The following DENND1B variants were observed in gnomAD, a reference collection of about 807,000 sequenced individuals.
DENND1B encodes the protein DENN domain-containing protein 1B.
A neutral mutation model predicts 90.1 loss-of-function variants in DENND1B; 59 were observed. That is an observed-to-expected ratio of 0.65 (90% confidence interval 0.53 to 0.81). The LOEUF is 0.81. Among genes scored for constraint, DENND1B ranks in the 40% least tolerant of loss-of-function variants. The pLI is 0.00. For synonymous variants in DENND1B, 337 were observed against 324.6 expected (o/e 1.04, Z -0.41); for missense variants, 862 against 912.6 (o/e 0.94, Z 0.71).
intron 3 of DENND1B, among the ~76,000 whole-genome samples, chr1:197,705,493 A>G (rs980369326): frequency 6.6e-6 from 1 of 152,272 alleles, no homozygotes; most frequent in Admixed American, 6.5e-5. Flanking sequence ...GTGATCTCAC[A>G]ATTTCAGAAA....
At chr1:197,583,610 C>A (rs1299876072) in intron 14 of DENND1B, among the ~76,000 whole-genome samples, 1 of 152,110 alleles carries the variant, frequency 6.6e-6, no homozygotes, top group Admixed American at 6.6e-5. Context: ...TTGGAAAACA[C>A]TGTTACTATA....
intron 2 of DENND1B, among the ~76,000 whole-genome samples, chr1:197,726,158 A>G (rs1661612880): frequency 6.6e-6 from 1 of 152,186 alleles, no homozygotes; most frequent in South Asian, 2.1e-4. Context: ...GGCAAGGGCA[A>G]TAAGGGTCCA....
chr1:197,669,852 T>C (rs1308013105), intron 5 of DENND1B, among the ~76,000 whole-genome samples: 1 of 152,124 alleles, frequency 6.6e-6, no homozygotes. Context: ...TGTGAAATGT[T>C]CTCTTTATTG....
chr1:197,611,961 G>A lies in DENND1B; in HGVS notation c.789C>T (p.Tyr263=). ...LLDYCCAPMP[Y]LIGIHSSLIE... The stretch of plus-strand genomic sequence containing the variant: ...TGAGGCTGGAGTGTATTCCAATCAG[G>A]TATGGCATTGGGGCACTAAATTAAA... Residue 263 remains tyrosine (Y), a synonymous_variant, in exon 12 of 23, where the codon TAC becomes TAT. Transcript: ENST00000620048. 6.2e-7 allele frequency: 1 copy of A among 1,603,558 alleles called. No homozygotes were observed. Among genetic ancestry groups the A allele is most frequent in the Non-Finnish European group, 8.5e-7 (1 of 1,172,956 alleles).
In DENND1B at chr1:197,558,408, G is replaced by A. The variant is rs116039635; in HGVS notation, c.1150-5296C>T. 5.9e-3 allele frequency among the ~76,000 whole-genome samples: 895 copies of A among 151,670 alleles called. 13 individuals are homozygous for A. The highest frequency in any genetic ancestry group is 0.02 in the African/African-American group (838 of 41,430). On this transcript the variant is annotated intron_variant, in intron 15 of 22. Transcript: ENST00000620048. The stretch of plus-strand genomic sequence containing the variant: ...TATTCCCTCTAAATCATCAACAATT[G>A]CAAGAACCAGATTTTGTTAATCTTT...
chr1:197,580,041 T>C (rs1674058223), intron 15 of DENND1B, among the ~76,000 whole-genome samples: 1 of 151,032 alleles, frequency 6.6e-6, no homozygotes, highest in African/African-American at 2.4e-5. Flanking sequence ...TCATTTATAA[T>C]TTCTTTCATT....
chr1:197,728,837 C>G (rs767369407), intron 2 of DENND1B, among the ~76,000 whole-genome samples: 2 of 152,140 alleles, frequency 1.3e-5, no homozygotes, highest in Non-Finnish European at 2.9e-5. Context: ...TCATATAGAA[C>G]TTTAAAATTT....
chr1:197,687,615 CT>C (rs1409543070), intron 3 of DENND1B, among the ~76,000 whole-genome samples: 1 of 152,066 alleles, frequency 6.6e-6, no homozygotes, highest in East Asian at 1.9e-4. Flanking sequence ...AAATTCAACA[CT>C]TTTTCATAAT....
chr1:197,658,344 A>G lies in DENND1B; in HGVS notation c.322T>C (p.Tyr108His). ...LSYLPWFEVY[Y>H]KLLNTLADYL... ...TCTGCAAGAGTATTTAGAAGCTTGT[A>G]ATACACTTCAAACCAGGGAAGGTAA... Residue 108 changes from tyrosine (Y) to histidine (H), a missense_variant, in exon 6 of 23, where the codon TAC (tyrosine) becomes CAC (histidine). Tyr to His is a moderately conservative substitution (Grantham distance 83, BLOSUM62 2). Transcript: ENST00000620048. 1 of 1,608,752 alleles carries G rather than the reference A, an allele frequency of 6.2e-7. No homozygotes were observed. The highest frequency in any genetic ancestry group is 8.5e-7 in the Non-Finnish European group (1 of 1,176,658).
At chr1:197,511,500 C>G (rs1668025010) in intron 22 of DENND1B, among the ~76,000 whole-genome samples, 1 of 151,430 alleles carries the variant, frequency 6.6e-6, no homozygotes, top group Admixed American at 6.6e-5. Flanking sequence ...AAAATAATTT[C>G]AATTAATGAC....
At chr1:197,680,012 T>C (rs1411366441) in intron 3 of DENND1B, among the ~76,000 whole-genome samples, 1 of 152,004 alleles carries the variant, frequency 6.6e-6, no homozygotes, top group African/African-American at 2.4e-5. Context: ...TAGCCAGGCA[T>C]GGTGGCATGC....
At chr1:197,673,964 A>T (rs1255185039) in intron 4 of DENND1B, among the ~76,000 whole-genome samples, 156 bp downstream of exon 4, 1 of 152,150 alleles carries the variant, frequency 6.6e-6, no homozygotes, top group Non-Finnish European at 1.5e-5. Flanking sequence ...CCTCTTCCAC[A>T]TATTAATTAA....
At chr1:197,683,906 T>G (rs1747811) in intron 3 of DENND1B, among the ~76,000 whole-genome samples, 127,865 of 152,216 alleles carry the variant, frequency 0.84, 54,004 homozygotes, top group African/African-American at 0.92. Context: ...GAAAGCTCTA[T>G]TTGTTACAGT....
At chr1:197,623,540 T>G (rs1269501436) in intron 10 of DENND1B, among the ~76,000 whole-genome samples, 1 of 151,488 alleles carries the variant, frequency 6.6e-6, no homozygotes, top group Non-Finnish European at 1.5e-5. Context: ...ACAGAAATTT[T>G]ACATAATGCA....
intron 13 of DENND1B, chr1:197,606,785 T>C: frequency 4.1e-6 from 1 of 245,130 alleles, no homozygotes; most frequent in Non-Finnish European, 7.7e-6. Flanking sequence ...AATATAATGA[T>C]TAAGATGAGA....
At chr1:197,713,755 AAAAT>A (rs1302455268) in intron 3 of DENND1B, among the ~76,000 whole-genome samples, 1 of 83,728 alleles carries the variant, frequency 1.2e-5, no homozygotes, top group African/African-American at 4.2e-5. Flanking sequence ...AATTAAAAAA[AAAAT>A]AATTATATTA....
intron 2 of DENND1B, among the ~76,000 whole-genome samples, chr1:197,762,339 T>C (rs543195537): frequency 6.6e-6 from 1 of 152,034 alleles, no homozygotes; most frequent in East Asian, 1.9e-4. Context: ...CAATCTTGGC[T>C]CACTGCAAGC....
intron 13 of DENND1B, among the ~76,000 whole-genome samples, chr1:197,604,604 A>G (rs1676509254): frequency 6.6e-6 from 1 of 151,260 alleles, no homozygotes; most frequent in Admixed American, 6.6e-5. Context: ...GCCTGTAAGT[A>G]TAATTTAAAT....
In DENND1B at chr1:197,506,711, A is replaced by G. The variant is rs774309123; in HGVS notation, c.*3749T>C. On this transcript the variant is annotated 3_prime_UTR_variant, in exon 23 of 23. Transcript: ENST00000620048. ...TATTAGGATATTCGCATAGAATAGC[A>G]CTAGTAACAGCAGTCACATAGTTTT... is the stretch of plus-strand genomic sequence containing the variant. 8 of 151,556 alleles carry G rather than the reference A, an allele frequency of 5.3e-5. No homozygotes were observed. The highest frequency in any genetic ancestry group is 1.0e-4 in the Non-Finnish European group (7 of 67,632). The allele number at this position is 151,556 out of a possible 1,614,324, so 9.4% of individuals were successfully genotyped here.
Sources: gnomAD v4.1 joint callset for allele counts (sites outside exome capture counted in the v4.1 genomes callset) on GRCh38, gnomAD v4.1.1 for gene constraint, MANE v1.5 for transcripts, NCBI Gene and HGNC (gene_info 2026-07-23, HGNC 2026-07-21) for gene names.